LATS2: variants seen among roughly 807,000 people sequenced by gnomAD.
LATS2 encodes the protein large tumor suppressor kinase 2.
In LATS2, 24 loss-of-function variants were observed where a neutral mutation model predicts 76.0. The ratio of observed to expected loss-of-function variants is 0.32; its 90% CI spans 0.23 to 0.44. LATS2 has a LOEUF of 0.44. Among genes scored for constraint, LATS2 ranks in the 20% least tolerant of loss-of-function variants. LATS2 has a pLI of 1.00. For missense variants in LATS2, 1,286 were observed against 1,481.2 expected (o/e 0.87, Z 2.16); for synonymous variants, 692 against 635.4 (o/e 1.09, Z -1.34).
At position 20,988,633 on chromosome 13, in the gene LATS2, T is replaced by G. The variant is rs1870321468; in HGVS notation, c.1147A>C (p.Lys383Gln). Residue 383 changes from lysine (K) to glutamine (Q), a missense_variant, in exon 4 of 8, where the codon AAG (lysine) becomes CAG (glutamine). Transcript: ENST00000382592. ...ATLARRDSLQ[K>Q]PGLEAPPRAH... ...CGCGGCGGCGCCTCCAGGCCCGGCT[T>G]CTGCAGGGAGTCCCGGCGGGCCAGG... is the stretch of plus-strand genomic sequence containing the variant. The G allele has an allele frequency of 6.3e-7, 1 of 1,587,002 alleles. No individual in the cohort carries two copies. Among genetic ancestry groups the G allele is most frequent in the South Asian group, 1.1e-5 (1 of 89,778 alleles).
At chr13:21,041,196 C>A (rs900380867) in intron 2 of LATS2, among the ~76,000 whole-genome samples, 1 of 152,132 alleles carries the variant, frequency 6.6e-6, no homozygotes, top group South Asian at 2.1e-4. Context: ...ATGGTCTCGA[C>A]CTCCTGACCT....
At chr13:21,015,951 G>A (rs536020893) in intron 2 of LATS2, among the ~76,000 whole-genome samples, 18 of 151,276 alleles carry the variant, frequency 1.2e-4, no homozygotes, top group South Asian at 1.0e-3. Flanking sequence ...TGCCCACCTC[G>A]GCCTCCCAAA....
chr13:21,024,565 C>A (rs1269580772), intron 2 of LATS2, among the ~76,000 whole-genome samples: 1 of 151,956 alleles, frequency 6.6e-6, no homozygotes, highest in Non-Finnish European at 1.5e-5. Flanking sequence ...TGCGGGAGCT[C>A]TTCCTGCATA....
At chr13:20,981,201 G>A (rs1869859431) in intron 6 of LATS2, among the ~76,000 whole-genome samples, 1 of 152,148 alleles carries the variant, frequency 6.6e-6, no homozygotes, top group Non-Finnish European at 1.5e-5. Context: ...ATCAGGGCTG[G>A]AGTCATTCCC....
intron 4 of LATS2, among the ~76,000 whole-genome samples, chr13:20,985,737 T>TAATTAA (rs1870110188): frequency 6.8e-6 from 1 of 147,826 alleles, no homozygotes; most frequent in Non-Finnish European, 1.5e-5. Context: ...GACTCCGTCT[T>TAATTAA]AATTAAAAAA....
In LATS2 at chr13:21,061,580, G is replaced by GGGCGTCACGTGACCCCGCCTCC. The variant is rs1873652840; in HGVS notation, c.-440_-439insGGAGGCGGGGTCACGTGACGCC. The GGGCGTCACGTGACCCCGCCTCC allele has an allele frequency of 6.6e-6, 1 of 152,610 alleles. No individual in the cohort carries two copies. The highest frequency in any genetic ancestry group is 1.5e-5 in the Non-Finnish European group (1 of 68,050). The allele number at this position is 152,610 out of a possible 1,614,324, so 9.5% of individuals were successfully genotyped here. A position where few individuals can be genotyped will look rare whatever the true frequency, so the allele number is the denominator to read the frequency against. On this transcript the variant is annotated 5_prime_UTR_variant, in exon 1 of 8. Coordinates refer to ENST00000382592, the MANE Select transcript of LATS2 (RefSeq NM_014572.3). Reference sequence around the variant, plus strand: ...ATTCGCTACATTGTTGGCATTCCACGGGCGTCACGTGACCCCGCCTCCCGC... The same window carrying GGGCGTCACGTGACCCCGCCTCC: ...ATTCGCTACATTGTTGGCATTCCACGGGCGTCACGTGACCCCGCCTCCGGCGTCACGTGACCCCGCCTCCCGC...
intron 2 of LATS2, among the ~76,000 whole-genome samples, chr13:21,009,962 G>A (rs1164599216): frequency 4.6e-5 from 7 of 152,212 alleles, no homozygotes; most frequent in Non-Finnish European, 4.4e-5. Context: ...CACTTTGGGA[G>A]GGCGAGGTGG....
intron 3 of LATS2, among the ~76,000 whole-genome samples, chr13:20,990,630 A>G (rs1433110330): frequency 6.6e-6 from 1 of 152,146 alleles, no homozygotes; most frequent in Non-Finnish European, 1.5e-5. Flanking sequence ...GTTGGGTTAC[A>G]GGCTTGAGCC....
intron 1 of LATS2, among the ~76,000 whole-genome samples, chr13:21,053,910 AGG>A (rs1873362270): frequency 6.6e-6 from 1 of 152,194 alleles, no homozygotes; most frequent in Admixed American, 6.5e-5. Context: ...ACCAGAAGAA[AGG>A]GGAACAGGGA....
chr13:20,984,180 C>T (rs1870040143), intron 4 of LATS2, among the ~76,000 whole-genome samples: 1 of 152,174 alleles, frequency 6.6e-6, no homozygotes, highest in South Asian at 2.1e-4. Context: ...GTGATCTGCC[C>T]ACCTTGGCCT....
chr13:20,995,269 G>A (rs1870702371), intron 2 of LATS2, among the ~76,000 whole-genome samples: 1 of 152,178 alleles, frequency 6.6e-6, no homozygotes, highest in African/African-American at 2.4e-5. Context: ...TGGCTCTAAT[G>A]TTTTACTGTG....
intron 2 of LATS2, among the ~76,000 whole-genome samples, chr13:21,033,882 T>C (rs774048510): frequency 2.8e-4 from 42 of 152,080 alleles, no homozygotes; most frequent in Non-Finnish European, 5.9e-4. Flanking sequence ...TCTAATGTCA[T>C]AACCACCCAA....
chr13:20,975,284 C>G lies in LATS2; in HGVS notation c.2853G>C (p.Leu951=). 1 of 1,613,542 alleles carries G rather than the reference C, an allele frequency of 6.2e-7. No individual in the cohort carries two copies. Among genetic ancestry groups the G allele is most frequent in the Non-Finnish European group, 8.5e-7 (1 of 1,179,736 alleles). Residue 951 remains leucine, a synonymous_variant, in exon 8 of 8, where the codon CTG becomes CTC. Transcript: ENST00000382592. ...CCAGGCGGTGGTCTGCGGAGCAGCA[C>G]AGCTTGGTGATGAGGTCCCTGGCCT... ...SPEARDLITK[L]CCSADHRLGR...
chr13:21,031,806 G>A (rs113563928), intron 2 of LATS2, among the ~76,000 whole-genome samples: 7 of 152,116 alleles, frequency 4.6e-5, no homozygotes, highest in African/African-American at 1.7e-4. Context: ...AGTGAGCTGT[G>A]ATGGCACCCA....
rs1204563100 is a variant in LATS2, at chr13:20,974,885, C to G, written c.3252G>C (p.Gln1084His). The G allele has an allele frequency of 3.1e-6, 5 of 1,611,956 alleles. No individual in the cohort carries two copies. In the Admixed American group the frequency reaches 8.4e-5, roughly 27 times the overall value. ...SDLVDQTEGC[Q>H]PVYV ...TGGCCCCCATCTACACGTACACAGG[C>G]TGGCAGCCTTCAGTCTGATCCACCA... is the stretch of plus-strand genomic sequence containing the variant. Residue 1084 changes from glutamine (Q) to histidine (H), a missense_variant, in exon 8 of 8, where the codon CAG becomes CAC. Physicochemically the swap from Gln to His is conservative, Grantham distance 24. Around this residue, in one of 5 missense-constraint regions of LATS2, gnomAD observed 210 missense variants for 234.9 expected, o/e 0.89. Coordinates refer to ENST00000382592, the MANE Select transcript of LATS2 (RefSeq NM_014572.3).
chr13:21,028,365 T>C (rs1274169386), intron 2 of LATS2, among the ~76,000 whole-genome samples: 1 of 152,164 alleles, frequency 6.6e-6, no homozygotes, highest in Non-Finnish European at 1.5e-5. Flanking sequence ...GTCTTTGCTA[T>C]TGTGAATAGT....
chr13:21,019,326 TTATTA>T (rs1871941249), intron 2 of LATS2, among the ~76,000 whole-genome samples: 1 of 147,726 alleles, frequency 6.8e-6, no homozygotes, highest in African/African-American at 2.5e-5. Flanking sequence ...ATTATTATTA[TTATTA>T]TTATTATTAT....
chr13:21,027,144 T>C (rs1280552053), intron 2 of LATS2, among the ~76,000 whole-genome samples: 1 of 152,226 alleles, frequency 6.6e-6, no homozygotes, highest in Non-Finnish European at 1.5e-5. Flanking sequence ...ATCAGTAATA[T>C]TTTTTCTCAT....
intron 2 of LATS2, among the ~76,000 whole-genome samples, chr13:21,008,161 G>A (rs1394866930): frequency 1.3e-5 from 2 of 151,840 alleles, no homozygotes. Flanking sequence ...TGGCACAGAG[G>A]CGCAGTGGTG....
Sources: allele counts gnomAD v4.1 joint callset (sites outside exome capture counted in the v4.1 genomes callset), GRCh38; gene constraint gnomAD v4.1.1; regional missense constraint gnomAD v4.1.1; transcripts MANE v1.5; gene names NCBI Gene and HGNC (gene_info 2026-07-23, HGNC 2026-07-21).